DTNA: variants seen among roughly 807,000 people sequenced by gnomAD.
DTNA encodes dystrophin-related protein 3.
Under a neutral mutation model 100.7 loss-of-function variants are expected in DTNA, and 43 were observed. That is an observed-to-expected ratio of 0.43 (90% CI 0.33 to 0.55). The LOEUF (loss-of-function observed/expected upper bound fraction) is 0.55, where lower values mean the gene tolerates loss of function less well. Among genes scored for constraint, DTNA ranks in the 20% least tolerant of loss-of-function variants. The pLI, the probability that DTNA is intolerant of heterozygous loss-of-function variation, is 0.04. For synonymous variants in DTNA, 349 were observed against 347.9 expected, an observed-to-expected ratio of 1.00 and a Z score of -0.04; for missense variants, 798 against 953.9, an observed-to-expected ratio of 0.84 and a Z score of 2.15.
intron 2 of DTNA, among the ~76,000 whole-genome samples, chr18:34,765,587 T>C (rs1032085962): frequency 6.6e-6 from 1 of 152,222 alleles, no homozygotes; most frequent in Non-Finnish European, 1.5e-5. Flanking sequence ...TAATGACCAA[T>C]AGCAATGCAC....
chr18:34,835,574 A>AG lies in DTNA; in HGVS notation c.1176-2519dup, dbSNP rs1477306468. 2.0e-5 allele frequency among the ~76,000 whole-genome samples: 3 copies of AG among 152,202 alleles called. No individual in the cohort carries two copies. The East Asian group carries it at 5.8e-4, about 29-fold the overall frequency. On this transcript the variant is annotated intron_variant, in intron 11 of 22. Coordinates refer to ENST00000444659, the MANE Select transcript of DTNA (RefSeq NM_001386795.1). ...GGAGGAGAGGAGCCCAAAGATTTGA[A>AG]GAAAAAAAAAAGGAGAAGGCCACCA...
At chr18:34,649,875 G>A (rs970625969) in intron 1 of DTNA, among the ~76,000 whole-genome samples, 19 of 152,210 alleles carry the variant, frequency 1.2e-4, no homozygotes, top group African/African-American at 4.6e-4. Flanking sequence ...CAAAGCATAG[G>A]AAATTGAGGG....
At chr18:34,645,370 A>G (rs1194681251) in intron 1 of DTNA, among the ~76,000 whole-genome samples, 1 of 152,142 alleles carries the variant, frequency 6.6e-6, no homozygotes, top group Non-Finnish European at 1.5e-5. Flanking sequence ...GAGCCTGTTC[A>G]TGAAGTTGGC....
At chr18:34,636,592 AAC>A (rs1029118467) in intron 1 of DTNA, among the ~76,000 whole-genome samples, 1 of 152,198 alleles carries the variant, frequency 6.6e-6, no homozygotes, top group African/African-American at 2.4e-5. Context: ...TGCAAATGGT[AAC>A]ACAGTGAATA....
At chr18:34,885,639 A>G (rs140924055) in intron 22 of DTNA, among the ~76,000 whole-genome samples, 1 of 152,350 alleles carries the variant, frequency 6.6e-6, no homozygotes, top group Non-Finnish European at 1.5e-5. Context: ...GGTATTATGT[A>G]TCACCACAGA....
At chr18:34,643,556 C>T (rs2059525849) in intron 1 of DTNA, among the ~76,000 whole-genome samples, 1 of 152,100 alleles carries the variant, frequency 6.6e-6, no homozygotes, top group African/African-American at 2.4e-5. Context: ...CTTTATTATT[C>T]TCTGCAGGTG....
rs557562793 is a variant in DTNA at position 34,847,808 on chromosome 18, A to G, written c.1347-488A>G. On this transcript the variant is annotated intron_variant, in intron 13 of 22. Coordinates refer to ENST00000444659, the MANE Select transcript of DTNA (RefSeq NM_001386795.1). ...CCTTCTGCCATATGCTATTCATTAG[A>G]AGCAGATTAGTAAGTCTAGCCCATC... Among the ~76,000 whole-genome samples, 479 of 152,330 alleles carry G rather than the reference A, an allele frequency of 3.1e-3. 5 individuals carry two copies. Among genetic ancestry groups the G allele is most frequent in the African/African-American group, 0.011 (450 of 41,578 alleles).
intron 1 of DTNA, among the ~76,000 whole-genome samples, chr18:34,687,745 T>G (rs1600216760): frequency 6.6e-6 from 1 of 152,176 alleles, no homozygotes; most frequent in Non-Finnish European, 1.5e-5. Flanking sequence ...GGTGTTAAAG[T>G]CTCCCACTAT....
At chr18:34,829,164 A>T in intron 10 of DTNA, 1 of 1,612,644 alleles carries the variant, frequency 6.2e-7, no homozygotes, top group Non-Finnish European at 8.5e-7. Flanking sequence ...ATTAACCCAA[A>T]ATATGATTAT....
Position 34,540,201 on chromosome 18 carries a change from T to A in DTNA, c.-2+46687T>A, listed in dbSNP as rs140278596. Among the ~76,000 whole-genome samples the A allele has an allele frequency of 1.7e-3, 261 of 152,052 alleles. 1 individual carries two copies. The highest frequency in any genetic ancestry group is 5.9e-3 in the African/African-American group (243 of 41,532). ...CCTATATTTTCACTTACTTAATTTCTCCCTTTATTACAAAAATAATTTGGC... is the reference window on the plus strand; with the variant it reads ...CCTATATTTTCACTTACTTAATTTCACCCTTTATTACAAAAATAATTTGGC... On this transcript the variant is annotated intron_variant, in intron 1 of 19. Coordinates refer to the DTNA transcript ENST00000283365.
intron 1 of DTNA, among the ~76,000 whole-genome samples, chr18:34,591,738 G>C (rs547618198): frequency 6.6e-6 from 1 of 152,140 alleles, no homozygotes; most frequent in South Asian, 2.1e-4. Context: ...GTCAACTTTG[G>C]GGACAAAAAT....
Position 34,889,636 on chromosome 18 carries a change from G to A in DTNA, c.*1902G>A, listed in dbSNP as rs1352904352. 1 of 985,524 alleles carries A rather than the reference G, an allele frequency of 1.0e-6. No individual in the cohort carries two copies. Among genetic ancestry groups the A allele is most frequent in the Non-Finnish European group, 1.2e-6 (1 of 829,960 alleles). 61.0% of individuals were successfully genotyped at this position (985,524 alleles called of 1,614,324 possible). A position where few individuals can be genotyped will look rare whatever the true frequency, so the allele number is the denominator to read the frequency against. On this transcript the variant is annotated 3_prime_UTR_variant, in exon 23 of 23. Transcript: ENST00000444659. ...TACGATGTTCACATGTCTGCGTTTG[G>A]TCAGACATCATCTCCTTGGCTGCCC... is the stretch of plus-strand genomic sequence containing the variant.
chr18:34,619,399 A>C (rs1470443972), intron 1 of DTNA, among the ~76,000 whole-genome samples: 1 of 152,186 alleles, frequency 6.6e-6, no homozygotes, highest in Non-Finnish European at 1.5e-5. Flanking sequence ...AGAGAACCTC[A>C]AACCAGGAAG....
At chr18:34,658,256 C>CA (rs2074675833) in intron 1 of DTNA, among the ~76,000 whole-genome samples, 1 of 152,104 alleles carries the variant, frequency 6.6e-6, no homozygotes, top group African/African-American at 2.4e-5. Flanking sequence ...ACTCAAAGCA[C>CA]AAAAACAGTC....
At chr18:34,840,116 T>C (rs1008606828) in intron 13 of DTNA, among the ~76,000 whole-genome samples, 4 of 152,218 alleles carry the variant, frequency 2.6e-5, no homozygotes, top group Admixed American at 1.3e-4. Context: ...CTTTAGTACA[T>C]ACATGTATCT....
At chr18:34,597,019 C>T (rs2050763826) in intron 1 of DTNA, among the ~76,000 whole-genome samples, 1 of 152,126 alleles carries the variant, frequency 6.6e-6, no homozygotes, top group Admixed American at 6.5e-5. Flanking sequence ...AATTCCCTGA[C>T]AGGCCCCAGT....
At position 34,753,469 on chromosome 18, in the gene DTNA, G is replaced by T. The variant is rs1345154986; in HGVS notation, c.-1-2507G>T. On this transcript the variant is annotated intron_variant, in intron 1 of 22. Coordinates refer to ENST00000444659, the MANE Select transcript of DTNA (RefSeq NM_001386795.1). Reference sequence around the variant, plus strand: ...GGGATCTCGGCTCACTGCAAGCTCCGCCTCCCGGGTTCACGCCATTCTCCT... The same window carrying T: ...GGGATCTCGGCTCACTGCAAGCTCCTCCTCCCGGGTTCACGCCATTCTCCT... Among the ~76,000 whole-genome samples the T allele has an allele frequency of 3.6e-5, 5 of 139,854 alleles. 1 individual carries two copies. The highest frequency in any genetic ancestry group is 1.4e-4 in the African/African-American group (5 of 34,838). The allele number at this position is 139,854 out of a possible 152,430, so 91.7% of individuals were successfully genotyped here.
Position 34,888,220 on chromosome 18 carries a change from C to A in DTNA, c.*486C>A, listed in dbSNP as rs1307366787. 1.0e-6 allele frequency: 1 copy of A among 985,692 alleles called. No individual in the cohort carries two copies. Among genetic ancestry groups the A allele is most frequent in the Non-Finnish European group, 1.2e-6 (1 of 829,914 alleles). The allele number at this position is 985,692 out of a possible 1,614,324, so 61.1% of individuals were successfully genotyped here. ...CTGTTTATAGCTAGAAGTTTGATTT[C>A]TGAATTCTTTGAGATTTTAGCAAAA... is the stretch of plus-strand genomic sequence containing the variant. On this transcript the variant is annotated 3_prime_UTR_variant, in exon 23 of 23. Transcript: ENST00000444659.
In DTNA at chr18:34,879,710, G is replaced by T. The variant is rs111587625; in HGVS notation, c.2153G>T (p.Arg718Leu). The T allele has an allele frequency of 1.2e-6, 2 of 1,614,042 alleles. No individual in the cohort carries two copies. Among genetic ancestry groups the T allele is most frequent in the Non-Finnish European group, 8.5e-7 (1 of 1,179,962 alleles). ...AGTGGAGCTACCACAAGTACCATGC[G>T]TGGCGACATGTGAGTATCTTCCGCT... ...IHSGATTSTM[R>L]GDMVTEDADP... Residue 718 changes from arginine (R) to leucine (L), a missense_variant, in exon 20 of 23, where the codon CGT becomes CTT. Physicochemically the swap from Arg to Leu is moderately radical, Grantham distance 102. Coordinates refer to ENST00000444659, the MANE Select transcript of DTNA (RefSeq NM_001386795.1).
Sources: gnomAD v4.1 joint callset for allele counts (sites outside exome capture counted in the v4.1 genomes callset) on GRCh38, gnomAD v4.1.1 for gene constraint, MANE v1.5 for transcripts, NCBI Gene and HGNC (gene_info 2026-07-23, HGNC 2026-07-21) for gene names.